ANKRD44: variants seen among roughly 807,000 people sequenced by gnomAD.
ANKRD44 encodes the protein ankyrin repeat domain 44.
Under a neutral mutation model 116.0 loss-of-function variants are expected in ANKRD44, and 35 were observed. The observed-to-expected ratio is 0.30, with a 90% CI of 0.23 to 0.40. The LOEUF (loss-of-function observed/expected upper bound fraction) is 0.40, where lower values mean the gene tolerates loss of function less well. Among genes scored for constraint, ANKRD44 ranks in the 10% least tolerant of loss-of-function variants. ANKRD44 has a pLI of 1.00. For missense variants in ANKRD44, 1,014 were observed against 1,242.6 expected (o/e 0.82, Z 2.77); for synonymous variants, 435 against 461.8 (o/e 0.94, Z 0.74).
intron 21 of ANKRD44, among the ~76,000 whole-genome samples, chr2:196,975,624 T>A (rs1409045183): frequency 6.8e-6 from 1 of 147,620 alleles, no homozygotes; most frequent in Non-Finnish European, 1.5e-5. Flanking sequence ...TTTTTTTTTT[T>A]TAAAAAAAAT....
At chr2:197,041,680 T>A (rs2076914414) in intron 16 of ANKRD44, among the ~76,000 whole-genome samples, 1 of 152,176 alleles carries the variant, frequency 6.6e-6, no homozygotes, top group South Asian at 2.1e-4. Flanking sequence ...CTGCTTAGAA[T>A]TTTTAGCAGA....
intron 16 of ANKRD44, among the ~76,000 whole-genome samples, chr2:197,065,360 T>C (rs897824158): frequency 5.3e-5 from 8 of 152,026 alleles, no homozygotes; most frequent in African/African-American, 1.9e-4. Flanking sequence ...AGGAAAGATC[T>C]AAAATTGACT....
intron 21 of ANKRD44, among the ~76,000 whole-genome samples, chr2:196,979,580 T>TTTTTTTA (rs2075786167): frequency 1.1e-5 from 1 of 91,660 alleles, no homozygotes; most frequent in African/African-American, 3.5e-5. Flanking sequence ...TTTTTTTTTT[T>TTTTTTTA]AAGACAGAGT....
At chr2:197,240,832 C>T (rs759090710) in intron 1 of ANKRD44, among the ~76,000 whole-genome samples, 4 of 149,514 alleles carry the variant, frequency 2.7e-5, no homozygotes, top group Non-Finnish European at 5.9e-5. Flanking sequence ...CCCACACCCC[C>T]AACACCCTCT....
rs1423781236 is a variant in ANKRD44, at chr2:197,125,949, T to C, written c.350A>G (p.Asn117Ser). The C allele has an allele frequency of 6.2e-7, 1 of 1,614,240 alleles. No individual in the cohort carries two copies. The highest frequency in any genetic ancestry group is 8.5e-7 in the Non-Finnish European group (1 of 1,180,050). Residue 117 changes from asparagine to serine, a missense_variant, in exon 5 of 28, where the codon AAC becomes AGC. Physicochemically the swap from Asn to Ser is conservative, Grantham distance 46. Coordinates refer to ENST00000282272, the MANE Select transcript of ANKRD44 (RefSeq NM_001195144.2). ...WQTPLHVAAA[N>S]KAVKCAEVII... ...CACTTCTGCACATTTGACAGCCTTG[T>C]TGGCTGCTGCCACATGAAGAGGGGT...
At chr2:196,990,529 C>A in intron 27 of ANKRD44, 2 of 1,228,624 alleles carry the variant, frequency 1.6e-6, no homozygotes, top group Non-Finnish European at 2.0e-6. Flanking sequence ...CACCCAACAG[C>A]CTCACTGCCC....
At chr2:197,187,492 T>C (rs1476136158) in intron 1 of ANKRD44, among the ~76,000 whole-genome samples, 1 of 152,166 alleles carries the variant, frequency 6.6e-6, no homozygotes, top group African/African-American at 2.4e-5. Flanking sequence ...CATTGATATG[T>C]TGCAAGCCCT....
intron 1 of ANKRD44, among the ~76,000 whole-genome samples, chr2:197,283,078 G>A (rs1433574767): frequency 1.3e-5 from 2 of 152,148 alleles, no homozygotes; most frequent in Non-Finnish European, 2.9e-5. Flanking sequence ...TGCTTTTATA[G>A]ATATGTATGT....
intron 2 of ANKRD44, among the ~76,000 whole-genome samples, chr2:197,158,734 G>T (rs1253698017): frequency 6.6e-6 from 1 of 152,124 alleles, no homozygotes; most frequent in Admixed American, 6.5e-5. Flanking sequence ...TAATCGATTG[G>T]CTGAAGGTCA....
chr2:197,054,808 T>TTCTGTATGGATGCTG (rs1389451662), intron 16 of ANKRD44, among the ~76,000 whole-genome samples: 3 of 152,192 alleles, frequency 2.0e-5, no homozygotes, highest in Admixed American at 6.5e-5. Context: ...GCAGACTAGT[T>TTCTGTATGGATGCTG]TCTGTATGGA....
intron 1 of ANKRD44, among the ~76,000 whole-genome samples, chr2:197,194,060 A>G (rs2080889980): frequency 6.6e-6 from 1 of 152,216 alleles, no homozygotes; most frequent in South Asian, 2.1e-4. Flanking sequence ...AAGGAAAAAT[A>G]AGAGATCTTG....
intron 16 of ANKRD44, among the ~76,000 whole-genome samples, chr2:197,066,841 G>C (rs1251245396): frequency 6.6e-6 from 1 of 152,130 alleles, no homozygotes; most frequent in Non-Finnish European, 1.5e-5. Flanking sequence ...TCAATATCGT[G>C]AAAATGGCCA....
intron 1 of ANKRD44, among the ~76,000 whole-genome samples, chr2:197,277,029 GC>G (rs2083110368): frequency 6.6e-6 from 1 of 150,720 alleles, no homozygotes; most frequent in Non-Finnish European, 1.5e-5. Flanking sequence ...CCACGTTCAC[GC>G]CATTCTCCTG....
chr2:197,023,042 T>C lies in ANKRD44; in HGVS notation c.1722+2154A>G, dbSNP rs568005816. On this transcript the variant is annotated intron_variant, in intron 17 of 27. Transcript: ENST00000282272. Reference sequence around the variant, plus strand: ...ATATCTCCAGCTACTCAAACAGTGCTTGGCACTATTCACAGTCAGTGTATG... The same window carrying C: ...ATATCTCCAGCTACTCAAACAGTGCCTGGCACTATTCACAGTCAGTGTATG... Among the ~76,000 whole-genome samples the C allele has an allele frequency of 2.6e-5, 4 of 152,344 alleles. 1 individual carries two copies. In the South Asian group the frequency reaches 8.3e-4, roughly 32 times the overall value.
intron 1 of ANKRD44, among the ~76,000 whole-genome samples, chr2:197,245,910 T>A (rs566743799): frequency 9.2e-5 from 14 of 152,204 alleles, no homozygotes; most frequent in Non-Finnish European, 1.9e-4. Context: ...TAAACCCTTT[T>A]ACCAAATTGA....
chr2:197,037,284 C>G, intron 16 of ANKRD44, among the ~76,000 whole-genome samples: 1 of 152,168 alleles, frequency 6.6e-6, no homozygotes, highest in East Asian at 1.9e-4. Context: ...CAGATGATTT[C>G]CAAGGTCCCT....
At chr2:197,063,318 A>G (rs965588512) in intron 16 of ANKRD44, among the ~76,000 whole-genome samples, 1 of 152,240 alleles carries the variant, frequency 6.6e-6, no homozygotes, top group Non-Finnish European at 1.5e-5. Context: ...ACCATCATCA[A>G]AGACTAAAGG....
chr2:197,105,060 T>C (rs1383659181), intron 9 of ANKRD44, among the ~76,000 whole-genome samples: 1 of 152,172 alleles, frequency 6.6e-6, no homozygotes, highest in Non-Finnish European at 1.5e-5. Flanking sequence ...GAAATACTGA[T>C]CTTTCTTCAA....
chr2:197,167,851 C>T (rs780182696), intron 2 of ANKRD44, among the ~76,000 whole-genome samples: 34 of 152,336 alleles, frequency 2.2e-4, no homozygotes, highest in Non-Finnish European at 1.8e-4. Context: ...CTTTACCATA[C>T]TCTTCTTCCC....
Sources: gnomAD v4.1 joint callset for allele counts (sites outside exome capture counted in the v4.1 genomes callset) on GRCh38, gnomAD v4.1.1 for gene constraint, MANE v1.5 for transcripts, NCBI Gene and HGNC (gene_info 2026-07-23, HGNC 2026-07-21) for gene names.